The following PLEKHH3 variants were observed in gnomAD, a reference collection of about 807,000 sequenced individuals.
PLEKHH3 encodes the protein pleckstrin homology domain-containing family H member 3.
Under a neutral mutation model 77.8 loss-of-function variants are expected in PLEKHH3, and 57 were observed. The observed-to-expected ratio is 0.73, with a 90% confidence interval of 0.59 to 0.91. The LOEUF (loss-of-function observed/expected upper bound fraction) is 0.91, where lower values mean the gene tolerates loss of function less well. PLEKHH3 is among the 40% of genes least tolerant of loss of function. The pLI, the probability that PLEKHH3 is intolerant of heterozygous loss-of-function variation, is 0.00. For missense variants in PLEKHH3, 1,082 were observed against 1,091.2 expected (o/e 0.99, Z 0.12); for synonymous variants, 467 against 504.8 (o/e 0.93, Z 1.00).
At chr17:42,670,917 T>A in intron 9 of PLEKHH3, 77 bp downstream of exon 9, 1 of 1,569,504 alleles carries the variant, frequency 6.4e-7, no homozygotes, top group Non-Finnish European at 8.6e-7. Flanking sequence ...AAGCGCTGGA[T>A]AATGTCCGCT....
Position 42,673,964 on chromosome 17 carries a change from G to T in PLEKHH3, c.268C>A (p.Pro90Thr). Residue 90 changes from proline (P) to threonine (T), a missense_variant, in exon 3 of 13, where the codon CCG (proline) becomes ACG (threonine). Physicochemically the swap from Pro to Thr is conservative, Grantham distance 38. This residue lies in a region of PLEKHH3 where 344 missense variants were observed against 320.8 expected (regional missense o/e 1.07). Coordinates refer to ENST00000591022, the MANE Select transcript of PLEKHH3 (RefSeq NM_024927.5). ...ACAACGATGTCCGGGTCGTCCTCCGGCAGCCCTTTCTCCGGGATGAGGCTC... is the reference window on the plus strand; with the variant it reads ...ACAACGATGTCCGGGTCGTCCTCCGTCAGCCCTTTCTCCGGGATGAGGCTC... ...TWSLIPEKGL[P>T]EDDPDIVVKG... is the part of the protein sequence containing the mutation. 1 of 1,613,520 alleles carries T rather than the reference G, an allele frequency of 6.2e-7. No individual in the cohort carries two copies. The highest frequency in any genetic ancestry group is 8.5e-7 in the Non-Finnish European group (1 of 1,179,932).
rs1223148912 is a variant in PLEKHH3 at position 42,672,403 on chromosome 17, G to T, written c.770-11C>A. The T allele has an allele frequency of 6.7e-7, 1 of 1,498,112 alleles. No homozygotes were observed. 92.8% of individuals were successfully genotyped at this position (1,498,112 alleles called of 1,614,324 possible). ...GTGCATAGCCCGGACCTGTGGGAGG[G>T]TGGGGGCGGAGGGACGGTTTGGAGA... On this transcript the variant is annotated splice_polypyrimidine_tract_variant and intron_variant, in intron 6 of 12. Transcript: ENST00000591022.
At chr17:42,675,702 G>GGA (rs2052808283) in intron 1 of PLEKHH3, among the ~76,000 whole-genome samples, 1 of 152,212 alleles carries the variant, frequency 6.6e-6, no homozygotes, top group Non-Finnish European at 1.5e-5. Flanking sequence ...GGATGGGGGA[G>GGA]GAGACGTCAA....
Position 42,671,362 on chromosome 17 carries a change from T to A in PLEKHH3, c.1273A>T (p.Thr425Ser), listed in dbSNP as rs772913264. 6.2e-6 allele frequency: 10 copies of A among 1,612,672 alleles called. No homozygotes were observed. The highest frequency in any genetic ancestry group is 8.5e-6 in the Non-Finnish European group (10 of 1,179,866). ...TTCTCTGGCCTCACCTCCCCCGCCG[T>A]GGTGTGGGAGTCGATGGCCACAGCA... ...ACAVAIDSHT[T>S]AGEVARELVG... The change falls in exon 8 of 13, where the codon ACG (threonine) becomes TCG (serine). Residue 425 changes from threonine (T) to serine (S), a missense_variant. This residue lies in a region of PLEKHH3 where 733 missense variants were observed against 750.0 expected (regional missense o/e 0.98). Transcript: ENST00000591022. The surrounding 1 kb of genome is among the most constrained non-coding windows in gnomAD (Gnocchi z 4.7).
chr17:42,669,615 C>A lies in PLEKHH3; in HGVS notation c.2020G>T (p.Gly674Cys), dbSNP rs142708268. ...CACAGCTTCTGTGGAGCACCCCGAC[C>A]AGGCTCCTGCAGACAGAGAGGCAGA... is the stretch of plus-strand genomic sequence containing the variant. ...YDVLELSTEP[G>C]RGAPQKLCLG... Residue 674 changes from glycine (G) to cysteine (C), a missense_variant, in exon 12 of 13, where the codon GGT becomes TGT. Physicochemically the swap from Gly to Cys is radical, Grantham distance 159. Transcript: ENST00000591022. The A allele has an allele frequency of 2.5e-3, 3,940 of 1,601,632 alleles. 12 individuals carry two copies. Among genetic ancestry groups the A allele is most frequent in the South Asian group, 3.4e-3 (307 of 90,564 alleles).
chr17:42,675,708 G>C (rs150599830), intron 1 of PLEKHH3, among the ~76,000 whole-genome samples: 1 of 152,330 alleles, frequency 6.6e-6, no homozygotes, highest in Non-Finnish European at 1.5e-5. Context: ...GGGAGGAGAC[G>C]TCAAGGGATG....
intron 1 of PLEKHH3, chr17:42,675,879 G>A: frequency 1.0e-6 from 1 of 1,002,606 alleles, no homozygotes; most frequent in Non-Finnish European, 1.2e-6. Flanking sequence ...GTAATGAGGA[G>A]GGGTCCTCAA....
chr17:42,670,167 G>A lies in PLEKHH3; in HGVS notation c.1764C>T (p.Ala588=), dbSNP rs1373069604. Residue 588 remains alanine, a synonymous_variant, in exon 11 of 13, where the codon GCC becomes GCT. Transcript: ENST00000591022. ...CCAGGCCCGGGCTCCAGAGCGCCCCGGCCAGCAGGGCAGCGGAAGGGGGCG... is the reference window on the plus strand; with the variant it reads ...CCAGGCCCGGGCTCCAGAGCGCCCCAGCCAGCAGGGCAGCGGAAGGGGGCG... ...PRPPPSAALL[A]GALWSPGLAK... is the part of the protein sequence containing the mutation. The A allele has an allele frequency of 2.5e-6, 3 of 1,219,502 alleles. No individual in the cohort carries two copies. Among genetic ancestry groups the A allele is most frequent in the African/African-American group, 1.6e-5 (1 of 62,736 alleles). 75.5% of individuals were successfully genotyped at this position (1,219,502 alleles called of 1,614,324 possible).
rs2052715173 is a variant in PLEKHH3 at position 42,672,094 on chromosome 17, G to A, written c.1068C>T (p.His356=). ...GGAVRGHLLG[H]LERTEQALPD... ...CACCTCGCCCCTCTCACCTCTCCAA[G>A]TGCCCCAGGAGGTGCCCCCGCACAG... is the stretch of plus-strand genomic sequence containing the variant. The change falls in exon 7 of 13, where the codon CAC becomes CAT. Residue 356 remains histidine, a synonymous_variant. Coordinates refer to ENST00000591022, the MANE Select transcript of PLEKHH3 (RefSeq NM_024927.5). 1.4e-6 allele frequency: 2 copies of A among 1,479,560 alleles called. No homozygotes were observed. The highest frequency in any genetic ancestry group is 1.4e-5 in the South Asian group (1 of 73,116). The allele number at this position is 1,479,560 out of a possible 1,614,324, so 91.7% of individuals were successfully genotyped here. A position where few individuals can be genotyped will look rare whatever the true frequency, so the allele number is the denominator to read the frequency against.
Position 42,674,391 on chromosome 17 carries a change from G to C in PLEKHH3, c.181C>G (p.Leu61Val), listed in dbSNP as rs755995491. The C allele has an allele frequency of 6.3e-7, 1 of 1,595,752 alleles. No homozygotes were observed. Among genetic ancestry groups the C allele is most frequent in the Non-Finnish European group, 8.5e-7 (1 of 1,171,824 alleles). ...GGGRGPLEVT[L>V]TQPVRSGPVS... ...GGCCCGCTCCTCACTGGCTGAGTCA[G>C]CGTCACTTCCAGGGGACCCTGGGGA... The change falls in exon 2 of 13, where the codon CTG becomes GTG. Residue 61 changes from leucine (L) to valine (V), a missense_variant. Coordinates refer to ENST00000591022, the MANE Select transcript of PLEKHH3 (RefSeq NM_024927.5).
chr17:42,676,385 G>T lies in PLEKHH3; in HGVS notation c.162+17C>A, dbSNP rs2052828124. On this transcript the variant is annotated intron_variant, in intron 1 of 12. Transcript: ENST00000591022. This position sits in a 1 kb window ranked among gnomAD's most constrained non-coding sequence, Gnocchi z 6.6. ...GCGAGAGTGATTGAGACGAGGCTCC[G>T]AACCCCCGGGACTTACCCTCCCGCC... The T allele has an allele frequency of 6.2e-7, 1 of 1,611,848 alleles. No homozygotes were observed. The highest frequency in any genetic ancestry group is 1.1e-5 in the South Asian group (1 of 91,026).
Position 42,671,613 on chromosome 17 carries a change from C to T in PLEKHH3, c.1077-55G>A. On this transcript the variant is annotated intron_variant, in intron 7 of 12. Transcript: ENST00000591022. The surrounding 1 kb of genome is among the most constrained non-coding windows in gnomAD (Gnocchi z 4.7). Reference sequence around the variant, plus strand: ...CTCCAAGGGCTTTCTTCTCCCCCTCCCTCTTGCCTGCTTCTCTTATAGTTT... The same window carrying T: ...CTCCAAGGGCTTTCTTCTCCCCCTCTCTCTTGCCTGCTTCTCTTATAGTTT... The T allele has an allele frequency of 6.7e-7, 1 of 1,502,736 alleles. No individual in the cohort carries two copies. Among genetic ancestry groups the T allele is most frequent in the Non-Finnish European group, 9.0e-7 (1 of 1,110,092 alleles). 93.1% of individuals were successfully genotyped at this position (1,502,736 alleles called of 1,614,324 possible). A position where few individuals can be genotyped will look rare whatever the true frequency, so the allele number is the denominator to read the frequency against.
intron 2 of PLEKHH3, among the ~76,000 whole-genome samples, 162 bp from the exon 3 acceptor site, chr17:42,674,175 C>T (rs1475859147): frequency 6.6e-6 from 1 of 152,124 alleles, no homozygotes; most frequent in Non-Finnish European, 1.5e-5. Flanking sequence ...GAAATAGCCC[C>T]GACCCCCCTC....
In PLEKHH3 at chr17:42,670,393, C is replaced by A; in HGVS notation, c.1555-17G>T. 1 of 1,446,074 alleles carries A rather than the reference C, an allele frequency of 6.9e-7. No individual in the cohort carries two copies. The highest frequency in any genetic ancestry group is 2.6e-5 in the East Asian group (1 of 38,168). 89.6% of individuals were successfully genotyped at this position (1,446,074 alleles called of 1,614,324 possible). A position where few individuals can be genotyped will look rare whatever the true frequency, so the allele number is the denominator to read the frequency against. ...AGCGTGAGCCTGCAGGGGAGGCACC[C>A]GGCGTCAGTGTACGAGCGGCGGCGG... On this transcript the variant is annotated splice_polypyrimidine_tract_variant and intron_variant, in intron 10 of 12. Transcript: ENST00000591022.
At chr17:42,674,519 C>T (rs1420167543) in intron 1 of PLEKHH3, 110 bp from the exon 2 acceptor site, 2 of 915,966 alleles carry the variant, frequency 2.2e-6, no homozygotes, top group Non-Finnish European at 3.1e-6. Flanking sequence ...GGAGGAGTCA[C>T]AGAGTGGGGT....
chr17:42,674,163 C>A, intron 2 of PLEKHH3, 150 bp from the exon 3 acceptor site: 1 of 1,094,270 alleles, frequency 9.1e-7, no homozygotes. Context: ...GACCTCGAAC[C>A]AGAAATAGCC....
rs2052672122 is a variant in PLEKHH3 at position 42,670,570 on chromosome 17, C to T, written c.1554+3G>A. The T allele has an allele frequency of 6.2e-7, 1 of 1,606,564 alleles. No individual in the cohort carries two copies. Among genetic ancestry groups the T allele is most frequent in the Admixed American group, 1.7e-5 (1 of 59,810 alleles). On this transcript the variant is annotated splice_donor_region_variant and intron_variant, in intron 10 of 12. Transcript: ENST00000591022. ...TGGAGGCGTGAACGCCGGAGAGCCTCACCTGCTCAAAGAGGAAAGGCAGTT... is the reference window on the plus strand; with the variant it reads ...TGGAGGCGTGAACGCCGGAGAGCCTTACCTGCTCAAAGAGGAAAGGCAGTT...
At position 42,673,648 on chromosome 17, in the gene PLEKHH3, T is replaced by G. The variant is rs553552388; in HGVS notation, c.485A>C (p.Glu162Ala). The change falls in exon 4 of 13, where the codon GAG becomes GCG. Residue 162 changes from glutamate to alanine, a missense_variant. By Grantham distance (107) the Glu-to-Ala change is moderately radical (BLOSUM62 -1). Around this residue, in one of 3 missense-constraint regions of PLEKHH3, gnomAD observed 344 missense variants for 320.8 expected, o/e 1.07. Coordinates refer to ENST00000591022, the MANE Select transcript of PLEKHH3 (RefSeq NM_024927.5). ...GAGTCCCCAGGAGGTCTCACCTGTC[T>G]CCTTACGCCTGCGCTCTGGGCCGGT... ...SVTGPERRRK[E>A]TGLWSVTVSG... 244 of 1,602,474 alleles carry G rather than the reference T, an allele frequency of 1.5e-4. 2 individuals carry two copies. In the South Asian group the frequency reaches 2.5e-3, roughly 17 times the overall value.
In PLEKHH3 at chr17:42,670,181, CG is replaced by C; in HGVS notation, c.1749del (p.Ala584LeufsTer86). 8.4e-7 allele frequency: 1 copy of C among 1,191,028 alleles called. No individual in the cohort carries two copies. The highest frequency in any genetic ancestry group is 1.0e-6 in the Non-Finnish European group (1 of 965,630). 73.8% of individuals were successfully genotyped at this position (1,191,028 alleles called of 1,614,324 possible). A position where few individuals can be genotyped will look rare whatever the true frequency, so the allele number is the denominator to read the frequency against. On this transcript the variant is annotated frameshift_variant, in exon 11 of 13. Coordinates refer to ENST00000591022, the MANE Select transcript of PLEKHH3 (RefSeq NM_024927.5). LOFTEE classifies it high-confidence loss of function. ...PPRPTPRPPP[S>X]AALLAGALWS... ...CAGAGCGCCCCGGCCAGCAGGGCAG[CG>C]GAAGGGGGCGGCCTGGGGGTCGGGC... is the stretch of plus-strand genomic sequence containing the variant.
Sources: allele counts gnomAD v4.1 joint callset (sites outside exome capture counted in the v4.1 genomes callset), GRCh38; gene constraint gnomAD v4.1.1; regional missense constraint gnomAD v4.1.1; non-coding constraint Gnocchi (gnomAD v3.1); transcripts MANE v1.5; gene names NCBI Gene and HGNC (gene_info 2026-07-23, HGNC 2026-07-21).